STAU2: variants seen among roughly 807,000 people sequenced by gnomAD.
STAU2 encodes the protein double-stranded RNA-binding protein Staufen homolog 2.
STAU2 carries 20 observed loss-of-function variants against 65.9 expected under a neutral mutation model. The observed-to-expected ratio is 0.30, with a 90% CI of 0.21 to 0.44. The LOEUF (loss-of-function observed/expected upper bound fraction) is 0.44, where lower values mean the gene tolerates loss of function less well. Among genes scored for constraint, STAU2 ranks in the 20% least tolerant of loss-of-function variants. The probability of loss-of-function intolerance (pLI) is 1.00; values close to 1 mark genes in which losing one functional copy is unlikely to be tolerated. For missense variants in STAU2, 558 were observed against 683.9 expected, an observed-to-expected ratio of 0.82 and a Z score of 2.05; for synonymous variants, 232 against 233.9, an observed-to-expected ratio of 0.99 and a Z score of 0.07.
intron 13 of STAU2, among the ~76,000 whole-genome samples, chr8:73,424,761 T>G (rs1282241815): frequency 1.3e-5 from 2 of 151,764 alleles, no homozygotes; most frequent in East Asian, 3.9e-4. Flanking sequence ...ACAAATCCTA[T>G]ATCCAAGCAA....
intron 3 of STAU2, among the ~76,000 whole-genome samples, chr8:73,726,646 A>G (rs1445540592): frequency 6.6e-6 from 1 of 151,960 alleles, no homozygotes; most frequent in East Asian, 1.9e-4. Context: ...TATTAATCCC[A>G]TCCAATATAT....
intron 13 of STAU2, among the ~76,000 whole-genome samples, chr8:73,492,728 A>T (rs1249298260): frequency 1.3e-5 from 2 of 151,898 alleles, no homozygotes; most frequent in Non-Finnish European, 2.9e-5. Context: ...GGATTTATAC[A>T]TCAAAATGAA....
chr8:73,696,080 C>T (rs1298703941), intron 4 of STAU2, among the ~76,000 whole-genome samples: 1 of 152,194 alleles, frequency 6.6e-6, no homozygotes, highest in Non-Finnish European at 1.5e-5. Flanking sequence ...TGGCTTAGCA[C>T]TCCATTTGTT....
At chr8:73,693,187 A>G (rs56365900) in intron 4 of STAU2, among the ~76,000 whole-genome samples, 1 of 150,836 alleles carries the variant, frequency 6.6e-6, no homozygotes, top group African/African-American at 2.4e-5. Flanking sequence ...ATTTAAAAAA[A>G]AGTGGGCTGG....
chr8:73,637,048 A>C lies in STAU2; in HGVS notation c.411-19597T>G, dbSNP rs147001814. 7.2e-3 allele frequency among the ~76,000 whole-genome samples: 1,099 copies of C among 152,218 alleles called. 11 individuals carry two copies. The highest frequency in any genetic ancestry group is 0.025 in the African/African-American group (1,052 of 41,552). On this transcript the variant is annotated intron_variant, in intron 6 of 14. Transcript: ENST00000524300. ...TTCACTGGATAGACATAATAGCCAA[A>C]AGGAGATGACCAAGGAATTAAGATT...
At chr8:73,687,269 A>AT (rs1491404204) in intron 5 of STAU2, among the ~76,000 whole-genome samples, 10 of 30,168 alleles carry the variant, frequency 3.3e-4, no homozygotes, top group Admixed American at 1.0e-3. Context: ...TATTTCTATT[A>AT]ATTTACATTT....
intron 13 of STAU2, among the ~76,000 whole-genome samples, chr8:73,507,259 G>T (rs1056939234): frequency 6.6e-6 from 1 of 152,010 alleles, no homozygotes; most frequent in East Asian, 1.9e-4. Context: ...GTTAAAAAAT[G>T]CATTTCATAA....
chr8:73,574,646 C>G (rs1002719078), intron 12 of STAU2, among the ~76,000 whole-genome samples: 2 of 152,160 alleles, frequency 1.3e-5, no homozygotes, highest in East Asian at 1.9e-4. Context: ...TCTGAGCAAA[C>G]TATCGCAAGG....
At chr8:73,681,529 C>G (rs1461807072) in intron 5 of STAU2, among the ~76,000 whole-genome samples, 1 of 152,138 alleles carries the variant, frequency 6.6e-6, no homozygotes, top group Non-Finnish European at 1.5e-5. Context: ...AAGCATAAAT[C>G]TCACAGGGCC....
intron 13 of STAU2, among the ~76,000 whole-genome samples, chr8:73,447,546 T>C (rs1818541307): frequency 1.3e-5 from 2 of 152,202 alleles, no homozygotes; most frequent in African/African-American, 2.4e-5. Flanking sequence ...AAATACTACA[T>C]CTATAAGACA....
chr8:73,744,026 T>C (rs1366964402), intron 1 of STAU2, among the ~76,000 whole-genome samples: 3 of 152,166 alleles, frequency 2.0e-5, no homozygotes, highest in African/African-American at 7.2e-5. Flanking sequence ...TGCCTCGGCC[T>C]CCCAAAGTGC....
intron 5 of STAU2, among the ~76,000 whole-genome samples, chr8:73,686,893 CTTT>C (rs71768700): frequency 5.6e-5 from 8 of 143,124 alleles, no homozygotes; most frequent in Non-Finnish European, 9.2e-5. Flanking sequence ...GGGTTTCTTT[CTTT>C]TTTTTTTTTC....
At chr8:73,591,746 T>A (rs1351723095) in intron 11 of STAU2, among the ~76,000 whole-genome samples, 1 of 151,838 alleles carries the variant, frequency 6.6e-6, no homozygotes, top group Non-Finnish European at 1.5e-5. Flanking sequence ...TCCAAACTTA[T>A]AGTTGGAAAC....
chr8:73,511,168 C>T (rs1027729329), intron 13 of STAU2: 1 of 152,682 alleles, frequency 6.5e-6, no homozygotes, highest in African/African-American at 2.4e-5. Context: ...AGTGAGGAAA[C>T]TAAACATGCA....
intron 14 of STAU2, among the ~76,000 whole-genome samples, chr8:73,421,765 T>C (rs887997714): frequency 6.6e-6 from 1 of 152,240 alleles, no homozygotes; most frequent in African/African-American, 2.4e-5. Context: ...TGTTTTTTCT[T>C]ATTAAAAATT....
intron 13 of STAU2, among the ~76,000 whole-genome samples, chr8:73,505,703 A>G (rs1822021164): frequency 6.6e-6 from 1 of 152,120 alleles, no homozygotes; most frequent in African/African-American, 2.4e-5. Context: ...CTACTTCTTA[A>G]CTGCTTTATT....
chr8:73,564,466 A>G (rs1239286554), intron 12 of STAU2, among the ~76,000 whole-genome samples: 2 of 152,110 alleles, frequency 1.3e-5, no homozygotes, highest in Non-Finnish European at 2.9e-5. Flanking sequence ...GAGGGGAATA[A>G]CACACACTGG....
chr8:73,664,375 C>A (rs1817076204), intron 6 of STAU2, among the ~76,000 whole-genome samples: 1 of 152,140 alleles, frequency 6.6e-6, no homozygotes, highest in Non-Finnish European at 1.5e-5. Context: ...CTGCCTTGTT[C>A]CTGATCTTAC....
chr8:73,474,065 T>C (rs1036308821), intron 13 of STAU2, among the ~76,000 whole-genome samples: 29 of 152,210 alleles, frequency 1.9e-4, no homozygotes, highest in African/African-American at 6.8e-4. Flanking sequence ...TGAAATATTG[T>C]CTGCAAGAGT....
Sources: gnomAD v4.1 joint callset for allele counts (sites outside exome capture counted in the v4.1 genomes callset) on GRCh38, gnomAD v4.1.1 for gene constraint, MANE v1.5 for transcripts, NCBI Gene and HGNC (gene_info 2026-07-23, HGNC 2026-07-21) for gene names.